Variants in FAM3D observed in about 807,000 individuals in gnomAD.
The protein encoded by FAM3D is FAM3 metabolism regulating signaling molecule D, also known as protein FAM3D.
A neutral mutation model predicts 29.8 loss-of-function variants in FAM3D; 26 were observed. The ratio of observed to expected loss-of-function variants is 0.87; its 90% CI spans 0.64 to 1.21. FAM3D has a LOEUF of 1.21. FAM3D is among the 50% of genes most tolerant of loss of function. The pLI is 0.00. For missense variants in FAM3D, 253 were observed against 290.9 expected, an observed-to-expected ratio of 0.87 and a Z score of 0.95; for synonymous variants, 115 against 102.3, an observed-to-expected ratio of 1.12 and a Z score of -0.75.
intron 1 of FAM3D, among the ~76,000 whole-genome samples, chr3:58,662,003 T>A (rs1305683982): frequency 6.6e-6 from 1 of 152,160 alleles, no homozygotes; most frequent in East Asian, 1.9e-4. Flanking sequence ...CCCTCCAGTG[T>A]CTGAGGGGAT....
intron 1 of FAM3D, among the ~76,000 whole-genome samples, chr3:58,656,029 C>G (rs965397297): frequency 6.6e-6 from 1 of 152,154 alleles, no homozygotes; most frequent in Non-Finnish European, 1.5e-5. Context: ...TCTGTCTATC[C>G]TCTATCTACC....
chr3:58,656,211 A>G (rs2066793156), intron 1 of FAM3D, among the ~76,000 whole-genome samples: 1 of 152,176 alleles, frequency 6.6e-6, no homozygotes, highest in South Asian at 2.1e-4. Context: ...CAACTCACGT[A>G]TTGCAGGTGA....
At chr3:58,642,193 C>T (rs2066353348) in intron 6 of FAM3D, among the ~76,000 whole-genome samples, 1 of 152,190 alleles carries the variant, frequency 6.6e-6, no homozygotes, top group Non-Finnish European at 1.5e-5. Flanking sequence ...CCACTCCCTG[C>T]CCTGGCCCTT....
At chr3:58,658,137 T>G (rs902082082) in intron 1 of FAM3D, among the ~76,000 whole-genome samples, 1 of 152,208 alleles carries the variant, frequency 6.6e-6, no homozygotes, top group Non-Finnish European at 1.5e-5. Context: ...TCCTCTGAAC[T>G]GCCCTTCCCC....
At chr3:58,650,085 T>C (rs976145233) in intron 3 of FAM3D, among the ~76,000 whole-genome samples, 1 of 152,210 alleles carries the variant, frequency 6.6e-6, no homozygotes, top group African/African-American at 2.4e-5. Flanking sequence ...TGAAATCTTA[T>C]ACCATATCCT....
intron 4 of FAM3D, among the ~76,000 whole-genome samples, chr3:58,648,573 G>T (rs1460550102): frequency 6.6e-6 from 1 of 152,214 alleles, no homozygotes; most frequent in Non-Finnish European, 1.5e-5. Flanking sequence ...ACATAGGGTT[G>T]TATGTAGGAT....
intron 1 of FAM3D, among the ~76,000 whole-genome samples, chr3:58,658,214 T>C (rs1162674012): frequency 1.3e-5 from 2 of 152,222 alleles, no homozygotes; most frequent in Non-Finnish European, 2.9e-5. Flanking sequence ...CTCTTTTCAA[T>C]GGCAGGCCTA....
chr3:58,649,548 C>T (rs114139273), intron 3 of FAM3D: 102 of 602,708 alleles, frequency 1.7e-4, no homozygotes, highest in African/African-American at 1.2e-3. Context: ...TGTACACACA[C>T]GCACACACAT....
At chr3:58,665,969 G>A (rs1434933249) in intron 1 of FAM3D, among the ~76,000 whole-genome samples, 1 of 152,172 alleles carries the variant, frequency 6.6e-6, no homozygotes, top group African/African-American at 2.4e-5. Flanking sequence ...CTTAGTGAAA[G>A]GGACTAGCTC....
intron 1 of FAM3D, among the ~76,000 whole-genome samples, chr3:58,663,113 G>A (rs143720610): frequency 1.3e-5 from 2 of 152,328 alleles, no homozygotes; most frequent in African/African-American, 4.8e-5. Context: ...TGGCCAGGCT[G>A]GTCTCAAACT....
At chr3:58,650,510 A>G (rs1031612994) in intron 3 of FAM3D, among the ~76,000 whole-genome samples, 1 of 152,068 alleles carries the variant, frequency 6.6e-6, no homozygotes, top group Non-Finnish European at 1.5e-5. Context: ...AAAGCTGCCC[A>G]TGGAATGAGG....
At chr3:58,656,564 A>T (rs1425919322) in intron 1 of FAM3D, among the ~76,000 whole-genome samples, 1 of 152,074 alleles carries the variant, frequency 6.6e-6, no homozygotes, top group Non-Finnish European at 1.5e-5. Flanking sequence ...GCAGCTTTGA[A>T]ACCCCCAGAA....
rs113843731 is a variant in FAM3D at position 58,657,046 on chromosome 3, C to T, written c.-38-1445G>A. Among the ~76,000 whole-genome samples the T allele has an allele frequency of 3.0e-4, 46 of 152,318 alleles. 2 individuals carry two copies. The highest frequency in any genetic ancestry group is 1.1e-3 in the African/African-American group (45 of 41,572). On this transcript the variant is annotated intron_variant, in intron 1 of 9. Coordinates refer to ENST00000358781, the MANE Select transcript of FAM3D (RefSeq NM_138805.3). ...CCAAGCTGTCACCTGGCTCTACCCA[C>T]AGAAAAATTGTGGAACTTTAACTTC...
chr3:58,656,869 T>G (rs942612053), intron 1 of FAM3D, among the ~76,000 whole-genome samples: 1 of 152,172 alleles, frequency 6.6e-6, no homozygotes, highest in Non-Finnish European at 1.5e-5. Context: ...ATATGTACAT[T>G]GAGAGGTGCT....
chr3:58,656,792 C>T (rs1478260648), intron 1 of FAM3D, among the ~76,000 whole-genome samples: 1 of 152,248 alleles, frequency 6.6e-6, no homozygotes, highest in African/African-American at 2.4e-5. Flanking sequence ...AGACTGGGCT[C>T]ATGCCTGGCA....
chr3:58,665,940 A>G (rs1419147592), intron 1 of FAM3D, among the ~76,000 whole-genome samples: 1 of 152,192 alleles, frequency 6.6e-6, no homozygotes, highest in East Asian at 1.9e-4. Context: ...CTCCCATTTT[A>G]CAGATGAGGA....
chr3:58,650,424 A>G (rs2066603428), intron 3 of FAM3D, among the ~76,000 whole-genome samples: 1 of 152,136 alleles, frequency 6.6e-6, no homozygotes, highest in Admixed American at 6.5e-5. Flanking sequence ...AGACAGAGAG[A>G]GAGAGAGAAA....
chr3:58,637,150 G>A lies in FAM3D; in HGVS notation c.449C>T (p.Pro150Leu). 1 of 1,613,902 alleles carries A rather than the reference G, an allele frequency of 6.2e-7. No homozygotes were observed. The highest frequency in any genetic ancestry group is 8.5e-7 in the Non-Finnish European group (1 of 1,179,930). ...ALVLVASYDDPGTKMNDESRK... is the reference protein window; with the variant it reads ...ALVLVASYDDLGTKMNDESRK... ...AGAGTTTTCTACTTACTTGGTCCCT[G>A]GATCGTCGTAGGAGGCCACCAGCAC... Residue 150 changes from proline (P) to leucine (L), a missense_variant, in exon 8 of 10, where the codon CCA becomes CTA. Pro to Leu is a moderately conservative substitution (Grantham distance 98). Coordinates refer to ENST00000358781, the MANE Select transcript of FAM3D (RefSeq NM_138805.3).
intron 1 of FAM3D, among the ~76,000 whole-genome samples, chr3:58,658,478 C>A (rs749355206): frequency 6.6e-6 from 1 of 152,110 alleles, no homozygotes; most frequent in African/African-American, 2.4e-5. Context: ...CAGCCCCGGG[C>A]CTTTGCACTT....
Sources: allele counts gnomAD v4.1 joint callset (sites outside exome capture counted in the v4.1 genomes callset), GRCh38; gene constraint gnomAD v4.1.1; transcripts MANE v1.5; gene names NCBI Gene and HGNC (gene_info 2026-07-23, HGNC 2026-07-21).